The following SLX4 variants were observed in gnomAD, a reference collection of about 807,000 sequenced individuals.
The protein encoded by SLX4 is SLX4 structure-specific endonuclease subunit, also known as structure-specific endonuclease subunit SLX4.
A neutral mutation model predicts 146.2 loss-of-function variants in SLX4; 112 were observed. The observed-to-expected ratio is 0.77, with a 90% confidence interval of 0.66 to 0.90. SLX4 has a LOEUF of 0.90. Among genes scored for constraint, SLX4 ranks in the 40% least tolerant of loss-of-function variants. The pLI, the probability that SLX4 is intolerant of heterozygous loss-of-function variation, is 0.00. For missense variants in SLX4, 2,563 were observed against 2,392.7 expected (o/e 1.07, Z -1.49); for synonymous variants, 1,061 against 997.7 (o/e 1.06, Z -1.20).
chr16:3,598,627 CAAG>C (rs917835980), intron 5 of SLX4, among the ~76,000 whole-genome samples: 2 of 152,204 alleles, frequency 1.3e-5, no homozygotes, highest in Non-Finnish European at 2.9e-5. Flanking sequence ...ATAAGCTGGG[CAAG>C]AAGGAGGAGG....
In SLX4 at chr16:3,600,959, CT is replaced by C; in HGVS notation, c.1163+19del. On this transcript the variant is annotated intron_variant, in intron 5 of 14. Coordinates refer to ENST00000294008, the MANE Select transcript of SLX4 (RefSeq NM_032444.4). ...ACACAGCATTATTTGGCTTGGTTTT[CT>C]TCCTTTTCGTCGACTTACCTGAACA... 1 of 1,612,226 alleles carries C rather than the reference CT, an allele frequency of 6.2e-7. No individual in the cohort carries two copies. The highest frequency in any genetic ancestry group is 8.5e-7 in the Non-Finnish European group (1 of 1,179,838).
rs2040449897 is a variant in SLX4, at chr16:3,582,490, C to T, written c.5357G>A (p.Arg1786Lys). 1.2e-6 allele frequency: 2 copies of T among 1,613,948 alleles called. No homozygotes were observed. The highest frequency in any genetic ancestry group is 2.2e-5 in the East Asian group (1 of 44,900). The change falls in exon 15 of 15, where the codon AGG (arginine) becomes AAG (lysine). Residue 1786 changes from arginine to lysine, a missense_variant. Physicochemically the swap from Arg to Lys is conservative, Grantham distance 26. Transcript: ENST00000294008. ...FELRELQAELRQNGLRVSSRR... is the reference protein window; with the variant it reads ...FELRELQAELKQNGLRVSSRR... ...CGAGGACACACGGAGGCCGTTCTGC[C>T]TCAGCTCTGCCTGCAGCTCCCGCAG...
At chr16:3,600,902 A>G in intron 5 of SLX4, 77 bp downstream of exon 5, 1 of 1,523,084 alleles carries the variant, frequency 6.6e-7, no homozygotes, top group Admixed American at 1.8e-5. Context: ...AGCCCATAAA[A>G]AGCTTTTTTA....
In SLX4 at chr16:3,594,473, A is replaced by T. The variant is rs774695659; in HGVS notation, c.2140T>A (p.Cys714Ser). ...CTTACATACTGGATGAGGAGCGGGC[A>T]TCGGGCATAAAGCACGAACTTGTGG... ...YAHKFVLYAR[C>S]PLLIQYVNNE... The change falls in exon 10 of 15, where the codon TGC becomes AGC. Residue 714 changes from cysteine to serine, a missense_variant. Transcript: ENST00000294008. 6 of 1,613,846 alleles carry T rather than the reference A, an allele frequency of 3.7e-6. No individual in the cohort carries two copies. In the South Asian group the frequency reaches 6.6e-5, roughly 18 times the overall value.
At position 3,600,591 on chromosome 16, in the gene SLX4, C is replaced by CTTTTTTTTT. The variant is rs974875930; in HGVS notation, c.1163+379_1163+387dup. 10 of 102,494 alleles carry CTTTTTTTTT rather than the reference C, an allele frequency of 9.8e-5. 2 individuals carry two copies. Among genetic ancestry groups the CTTTTTTTTT allele is most frequent in the African/African-American group, 4.9e-4 (8 of 16,166 alleles). The allele number at this position is 102,494 out of a possible 1,614,324, so 6.3% of individuals were successfully genotyped here. On this transcript the variant is annotated intron_variant, in intron 5 of 14. Transcript: ENST00000294008. ...TTTTTCCCTCCAACACTATAAAAAG[C>CTTTTTTTTT]TTTTTTTTTTTTTTTTTTTTTTTTT...
At position 3,606,628 on chromosome 16, in the gene SLX4, T is replaced by A; in HGVS notation, c.606A>T (p.Lys202Asn). The part of the protein sequence containing the change: ...CLTTAVPSPS[K>N]PRTAQLVLQR... ...GTAGGACCAATTGTGCTGTGCGGGG[T>A]TTGGAGGGACTTGGCACTGCTGTTG... is the stretch of plus-strand genomic sequence containing the variant. Residue 202 changes from lysine to asparagine, a missense_variant, in exon 3 of 15, where the codon AAA becomes AAT. By Grantham distance (94) the Lys-to-Asn change is moderately conservative. Transcript: ENST00000294008. 1 of 1,613,916 alleles carries A rather than the reference T, an allele frequency of 6.2e-7. No homozygotes were observed. Among genetic ancestry groups the A allele is most frequent in the Non-Finnish European group, 8.5e-7 (1 of 1,179,986 alleles).
In SLX4 at chr16:3,583,514, A is replaced by T. The variant is rs376639795; in HGVS notation, c.4740-4T>A. 1 of 1,613,852 alleles carries T rather than the reference A, an allele frequency of 6.2e-7. No homozygotes were observed. The highest frequency in any genetic ancestry group is 8.5e-7 in the Non-Finnish European group (1 of 1,180,044). Reference sequence around the variant, plus strand: ...AGGCAGAGGGCGGACTCCAAACCTGACGGAGGAACAGGTGGATCTCAGGAC... The same window carrying T: ...AGGCAGAGGGCGGACTCCAAACCTGTCGGAGGAACAGGTGGATCTCAGGAC... On this transcript the variant is annotated splice_polypyrimidine_tract_variant and splice_region_variant and intron_variant, in intron 13 of 14. Coordinates refer to ENST00000294008, the MANE Select transcript of SLX4 (RefSeq NM_032444.4).
In SLX4 at chr16:3,590,761, G is replaced by A. The variant is rs139217437; in HGVS notation, c.2877C>T (p.Ser959=). 1.2e-6 allele frequency: 2 copies of A among 1,614,080 alleles called. No individual in the cohort carries two copies. Among genetic ancestry groups the A allele is most frequent in the Non-Finnish European group, 8.5e-7 (1 of 1,180,030 alleles). The change falls in exon 12 of 15, where the codon TCC becomes TCT. Residue 959 remains serine (S), a synonymous_variant. Transcript: ENST00000294008. This position sits in a 1 kb window ranked among gnomAD's most constrained non-coding sequence, Gnocchi z 4.8. The part of the protein sequence containing the change: ...PEEALGHSSC[S]SPSRDCQAER... The stretch of plus-strand genomic sequence containing the variant: ...CTGCCTGGCAGTCCCTGGAAGGGCT[G>A]GAGCAGCTGGAATGGCCAAGCGCCT...
In SLX4 at chr16:3,590,745, A is replaced by G. The variant is rs2151124846; in HGVS notation, c.2893T>C (p.Cys965Arg). ...GAGCCTTCTTTTCTCTCTGCCTGGC[A>G]GTCCCTGGAAGGGCTGGAGCAGCTG... ...HSSCSSPSRD[C>R]QAERKEGSLP... Residue 965 changes from cysteine (C) to arginine (R), a missense_variant, in exon 12 of 15, where the codon TGC becomes CGC. Physicochemically the swap from Cys to Arg is radical, Grantham distance 180 (BLOSUM62 -3). Transcript: ENST00000294008. This position sits in a 1 kb window ranked among gnomAD's most constrained non-coding sequence, Gnocchi z 4.8. 6.2e-7 allele frequency: 1 copy of G among 1,614,134 alleles called. No homozygotes were observed. The highest frequency in any genetic ancestry group is 8.5e-7 in the Non-Finnish European group (1 of 1,180,040).
At chr16:3,598,726 C>G (rs1403404387) in intron 5 of SLX4, among the ~76,000 whole-genome samples, 1 of 152,214 alleles carries the variant, frequency 6.6e-6, no homozygotes, top group Non-Finnish European at 1.5e-5. Flanking sequence ...AAAGCTCATG[C>G]TCTCCAGGGT....
intron 3 of SLX4, among the ~76,000 whole-genome samples, chr16:3,604,625 A>G (rs1191258529): frequency 6.6e-6 from 1 of 152,104 alleles, no homozygotes; most frequent in East Asian, 1.9e-4. Flanking sequence ...GTTCCAGAAC[A>G]GCCTGGCCGG....
Position 3,591,200 on chromosome 16 carries a change from T to C in SLX4, c.2438A>G (p.Glu813Gly), listed in dbSNP as rs748712996. The change falls in exon 12 of 15, where the codon GAG becomes GGG. Residue 813 changes from glutamate to glycine, a missense_variant. By Grantham distance (98) the Glu-to-Gly change is moderately conservative (BLOSUM62 -2). Transcript: ENST00000294008. The stretch of plus-strand genomic sequence containing the variant: ...TGACCTCAAGAGTTCCTGGAAATTC[T>C]CGGCCCTGCTTTCGCAATTCTCTGC... ...KEAENCESRA[E>G]NFQELLRSMW... 5.0e-6 allele frequency: 8 copies of C among 1,614,018 alleles called. No homozygotes were observed. Among genetic ancestry groups the C allele is most frequent in the Non-Finnish European group, 5.9e-6 (7 of 1,180,048 alleles).
rs755815284 is a variant in SLX4, at chr16:3,583,117, G to C, written c.5133C>G (p.Asp1711Glu). 6.2e-7 allele frequency: 1 copy of C among 1,614,286 alleles called. No homozygotes were observed. The highest frequency in any genetic ancestry group is 8.5e-7 in the Non-Finnish European group (1 of 1,180,056). Residue 1711 changes from aspartate (D) to glutamate (E), a missense_variant, in exon 14 of 15, where the codon GAC (aspartate) becomes GAG (glutamate). By Grantham distance (45) the Asp-to-Glu change is conservative. Transcript: ENST00000294008. Reference protein sequence around the residue: ...ESVATSVDGSDSSLSSQSSSS... With the variant: ...ESVATSVDGSESSLSSQSSSS... Reference sequence around the variant, plus strand: ...GTTACCTCTGTGAGCTCAAGGAGCTGTCACTGCCATCCACAGAGGTGGCCA... The same window carrying C: ...GTTACCTCTGTGAGCTCAAGGAGCTCTCACTGCCATCCACAGAGGTGGCCA...
chr16:3,597,788 C>T lies in SLX4; in HGVS notation c.1366+9G>A. On this transcript the variant is annotated intron_variant, in intron 6 of 14. Coordinates refer to ENST00000294008, the MANE Select transcript of SLX4 (RefSeq NM_032444.4). This position sits in a 1 kb window ranked among gnomAD's most constrained non-coding sequence, Gnocchi z 4.4. Reference sequence around the variant, plus strand: ...CCTCTCCCAGGGTCACTCTTCTGATCACACAAACCTGCTTCTGGTCTTATC... The same window carrying T: ...CCTCTCCCAGGGTCACTCTTCTGATTACACAAACCTGCTTCTGGTCTTATC... The T allele has an allele frequency of 1.2e-6, 2 of 1,614,142 alleles. No homozygotes were observed. The highest frequency in any genetic ancestry group is 1.7e-6 in the Non-Finnish European group (2 of 1,180,022).
At chr16:3,606,351 A>C (rs2040782196) in intron 3 of SLX4, 123 bp downstream of exon 3, 2 of 1,081,206 alleles carry the variant, frequency 1.8e-6, no homozygotes, top group Non-Finnish European at 2.9e-6. Context: ...GGCAAAGGTA[A>C]AACATCAAGC....
chr16:3,595,415 G>A (rs764726549), intron 9 of SLX4, among the ~76,000 whole-genome samples, 190 bp downstream of exon 9: 7 of 152,170 alleles, frequency 4.6e-5, no homozygotes, highest in Admixed American at 1.3e-4. Context: ...CCAGAGGGGC[G>A]CTGAGGTGGC....
Position 3,589,751 on chromosome 16 carries a change from A to C in SLX4, c.3887T>G (p.Val1296Gly). 6.2e-7 allele frequency: 1 copy of C among 1,613,692 alleles called. No individual in the cohort carries two copies. The highest frequency in any genetic ancestry group is 1.1e-5 in the South Asian group (1 of 91,074). Residue 1296 changes from valine to glycine, a missense_variant, in exon 12 of 15, where the codon GTA (valine) becomes GGA (glycine). By Grantham distance (109) the Val-to-Gly change is moderately radical. Transcript: ENST00000294008. The surrounding 1 kb of genome is among the most constrained non-coding windows in gnomAD (Gnocchi z 6.2). ...GACTTCGTTCCCTTCCCTGTTTCCT[A>C]CTGAGGCCCTGGGCGTGTGCTGAGT... ...AVTQHTPRAS[V>G]GNREGNEVAQ...
In SLX4 at chr16:3,589,291, C is replaced by T. The variant is rs373300793; in HGVS notation, c.4347G>A (p.Leu1449=). Residue 1449 remains leucine, a synonymous_variant, in exon 12 of 15, where the codon CTG becomes CTA. Transcript: ENST00000294008. The surrounding 1 kb of genome is among the most constrained non-coding windows in gnomAD (Gnocchi z 6.2). ...DHWNLERTGP[L]STSSPSRRMN... ...TCCTGCGGCTGGGGCTGCTGGTGCT[C>T]AGGGGGCCGGTCCGCTCCAGGTTCC... 3 of 1,589,022 alleles carry T rather than the reference C, an allele frequency of 1.9e-6. No homozygotes were observed. The highest frequency in any genetic ancestry group is 2.7e-5 in the African/African-American group (2 of 74,156).
chr16:3,608,926 G>C lies in SLX4; in HGVS notation c.39C>G (p.Tyr13Ter), dbSNP rs1346974204. 1.9e-6 allele frequency: 3 copies of C among 1,613,952 alleles called. No individual in the cohort carries two copies. Among genetic ancestry groups the C allele is most frequent in the Admixed American group, 1.7e-5 (1 of 59,994 alleles). The change falls in exon 2 of 15, where the codon TAC becomes TAG. Residue 13 changes from tyrosine (Y) to a stop codon, truncating the protein, a stop_gained. Transcript: ENST00000294008. LOFTEE classifies it high-confidence loss of function. ...LSVNEAQLGF[Y>*]LGSLSHLSAC... ...CAGACAGATGAGAAAGTGAACCCAAGTAGAAGCCTAGCTGAGCCTCATTCA... is the reference window on the plus strand; with the variant it reads ...CAGACAGATGAGAAAGTGAACCCAACTAGAAGCCTAGCTGAGCCTCATTCA...
Sources: gnomAD v4.1 joint callset for allele counts (sites outside exome capture counted in the v4.1 genomes callset) on GRCh38, gnomAD v4.1.1 for gene constraint, Gnocchi (gnomAD v3.1) non-coding constraint, MANE v1.5 for transcripts, NCBI Gene and HGNC (gene_info 2026-07-23, HGNC 2026-07-21) for gene names.